Variants in P3H3 observed in about 807,000 individuals in gnomAD.
The protein encoded by P3H3 is prolyl 3-hydroxylase 3, also known as gene rich cluster, B.
P3H3 carries 64 observed loss-of-function variants against 78.1 expected under a neutral mutation model. The observed-to-expected ratio is 0.82, with a 90% confidence interval of 0.67 to 1.01. P3H3 has a LOEUF of 1.01. Ranked by LOEUF, P3H3 falls within the 50% of genes least tolerant of loss-of-function variation. The probability of loss-of-function intolerance (pLI) is 0.00; values close to 1 mark genes in which losing one functional copy is unlikely to be tolerated. For missense variants in P3H3, 975 were observed against 982.2 expected (o/e 0.99, Z 0.10); for synonymous variants, 425 against 416.7 (o/e 1.02, Z -0.24).
rs1192073783 is a variant in P3H3 at position 6,833,645 on chromosome 12, G to A, written c.1265+1G>A. On this transcript the variant is annotated splice_donor_variant, in intron 7 of 14. Transcript: ENST00000290510. LOFTEE classifies it high-confidence loss of function. Reference sequence around the variant, plus strand: ...CTGAGGCACTTAGAGAAAAGCTCAGGTAGGATATGCCCCATGGTGGGAGGG... The same window carrying A: ...CTGAGGCACTTAGAGAAAAGCTCAGATAGGATATGCCCCATGGTGGGAGGG... 6 of 1,613,686 alleles carry A rather than the reference G, an allele frequency of 3.7e-6. No individual in the cohort carries two copies. The highest frequency in any genetic ancestry group is 5.1e-6 in the Non-Finnish European group (6 of 1,179,780).
rs782678799 is a variant in P3H3, at chr12:6,837,706, T to A, written c.1712-26T>A. On this transcript the variant is annotated intron_variant, in intron 11 of 14. Coordinates refer to ENST00000290510, the MANE Select transcript of P3H3 (RefSeq NM_014262.5). ...GCAGATGGGCACAGGGGCACAGAGGTACCCCCAGACCCCTTTGTGTCCTAG... is the reference window on the plus strand; with the variant it reads ...GCAGATGGGCACAGGGGCACAGAGGAACCCCCAGACCCCTTTGTGTCCTAG... The A allele has an allele frequency of 3.1e-6, 5 of 1,597,760 alleles. No homozygotes were observed. In the South Asian group the frequency reaches 4.5e-5, roughly 14 times the overall value.
chr12:6,832,377 T>C (rs2137961294), intron 6 of P3H3, among the ~76,000 whole-genome samples: 1 of 152,174 alleles, frequency 6.6e-6, no homozygotes, highest in South Asian at 2.1e-4. Flanking sequence ...GATCTGACAT[T>C]TTGGATAATT....
chr12:6,838,881 A>C, intron 13 of P3H3, 119 bp from the exon 14 acceptor site: 1 of 770,904 alleles, frequency 1.3e-6, no homozygotes, highest in South Asian at 2.9e-5. Flanking sequence ...AGGAGTAGGA[A>C]GTGGTAGCGA....
rs3213431 is a variant in P3H3 at position 6,839,364 on chromosome 12, T to C, written c.2114T>C (p.Met705Thr). ...QEEEEEEEEE[M>T]PSKDPSPEPP... is the part of the protein sequence containing the mutation. ...GAGGAGGAAGAGGAAGAGGAAGAAA[T>C]GCCCAGCAAAGACCCTTCCCCAGAG... is the stretch of plus-strand genomic sequence containing the variant. Residue 705 changes from methionine to threonine, a missense_variant, in exon 15 of 15, where the codon ATG becomes ACG. Transcript: ENST00000290510. 4.0e-3 allele frequency: 6,187 copies of C among 1,553,340 alleles called. 333 individuals are homozygous for C. In the East Asian group the frequency reaches 0.12, roughly 31 times the overall value.
intron 9 of P3H3, 53 bp from the exon 10 acceptor site, chr12:6,836,932 C>A (rs1591582103): frequency 5.1e-6 from 7 of 1,375,128 alleles, no homozygotes; most frequent in South Asian, 3.6e-5. Flanking sequence ...TGCAGCCCTG[C>A]AGACAGTGAG....
chr12:6,836,433 G>A (rs1298493232), intron 9 of P3H3, among the ~76,000 whole-genome samples: 3 of 152,138 alleles, frequency 2.0e-5, no homozygotes, highest in Admixed American at 6.5e-5. Flanking sequence ...GAGTGGTCGC[G>A]GAGGTGGCTG....
Position 6,831,429 on chromosome 12 carries a change from AC to A in P3H3, c.1122+83del. The stretch of plus-strand genomic sequence containing the variant: ...GACCTGAGAAGTAACCTGGACCCCC[AC>A]CCCCCGCTGGCCTCTTACCCGAGCA... On this transcript the variant is annotated intron_variant, in intron 5 of 14. Coordinates refer to ENST00000290510, the MANE Select transcript of P3H3 (RefSeq NM_014262.5). The surrounding 1 kb of genome is among the most constrained non-coding windows in gnomAD (Gnocchi z 4.6). 4 of 1,563,868 alleles carry A rather than the reference AC, an allele frequency of 2.6e-6. No homozygotes were observed. The highest frequency in any genetic ancestry group is 8.6e-7 in the Non-Finnish European group (1 of 1,157,596).
rs1555121121 is a variant in P3H3, at chr12:6,830,353, G to A, written c.652G>A (p.Ala218Thr). ...GACTGACTGCTCCCTTCCCCAACAG[G>A]CAGCCTATGACACTGGCCTGGAGCT... ...FRDLETPPHW[A>T]AYDTGLELLG... Residue 218 changes from alanine to threonine, a missense_variant and splice_region_variant, in exon 3 of 15, where the codon GCA (alanine) becomes ACA (threonine). Ala to Thr is a moderately conservative substitution (Grantham distance 58). Transcript: ENST00000290510. The A allele has an allele frequency of 3.8e-6, 6 of 1,575,706 alleles. No homozygotes were observed. The Admixed American group carries it at 9.2e-5, about 24-fold the overall frequency.
chr12:6,830,072 C>G, intron 2 of P3H3, 61 bp downstream of exon 2: 1 of 1,592,042 alleles, frequency 6.3e-7, no homozygotes, highest in Non-Finnish European at 8.6e-7. Flanking sequence ...GATACACAGG[C>G]CTCACTAAAC....
chr12:6,829,894 C>A lies in P3H3; in HGVS notation c.534C>A (p.His178Gln), dbSNP rs782654182. 1 of 1,614,044 alleles carries A rather than the reference C, an allele frequency of 6.2e-7. No homozygotes were observed. The highest frequency in any genetic ancestry group is 1.7e-5 in the Admixed American group (1 of 60,032). ...KKLDLAAAAA[H>Q]TFFVANPMHL... Reference sequence around the variant, plus strand: ...TGGATCTGGCAGCTGCGGCAGCACACACCTTCTTTGTAGCAAACCCCATGC... The same window carrying A: ...TGGATCTGGCAGCTGCGGCAGCACAAACCTTCTTTGTAGCAAACCCCATGC... Residue 178 changes from histidine (H) to glutamine (Q), a missense_variant, in exon 2 of 15, where the codon CAC becomes CAA. Coordinates refer to ENST00000290510, the MANE Select transcript of P3H3 (RefSeq NM_014262.5). This position sits in a 1 kb window ranked among gnomAD's most constrained non-coding sequence, Gnocchi z 5.1.
chr12:6,839,240 G>T, intron 14 of P3H3, 57 bp from the exon 15 acceptor site: 1 of 1,564,732 alleles, frequency 6.4e-7, no homozygotes, highest in Non-Finnish European at 8.7e-7. Context: ...CAGGGGCTGA[G>T]CTGACCCAGG....
rs1555121747 is a variant in P3H3, at chr12:6,833,780, T to C, written c.1304T>C (p.Val435Ala). The change falls in exon 8 of 15, where the codon GTG (valine) becomes GCG (alanine). Residue 435 changes from valine (V) to alanine (A), a missense_variant. Coordinates refer to ENST00000290510, the MANE Select transcript of P3H3 (RefSeq NM_014262.5). ...AAGAGGCCTTGGGACCATGAGCCCG[T>C]GAAGCCAAAGCCCTTGACCTACTGG... The part of the protein sequence containing the change: ...QEKRPWDHEP[V>A]KPKPLTYWKD... 1.2e-6 allele frequency: 2 copies of C among 1,612,256 alleles called. No homozygotes were observed. Among genetic ancestry groups the C allele is most frequent in the Non-Finnish European group, 1.7e-6 (2 of 1,178,414 alleles).
Position 6,833,725 on chromosome 12 carries a change from C to T in P3H3, c.1266-17C>T. 2 of 1,603,898 alleles carry T rather than the reference C, an allele frequency of 1.2e-6. No individual in the cohort carries two copies. Among genetic ancestry groups the T allele is most frequent in the Non-Finnish European group, 1.7e-6 (2 of 1,170,794 alleles). On this transcript the variant is annotated splice_polypyrimidine_tract_variant and intron_variant, in intron 7 of 14. Coordinates refer to ENST00000290510, the MANE Select transcript of P3H3 (RefSeq NM_014262.5). ...GACTGTCCTGGGCACCCACTGAGCG[C>T]ATCTCTCACCCCTGAGAGAGGATCA...
intron 2 of P3H3, 24 bp downstream of exon 2, chr12:6,830,035 G>A: frequency 1.2e-6 from 2 of 1,612,366 alleles, no homozygotes; most frequent in African/African-American, 1.3e-5. Context: ...CACCACCCCT[G>A]TCTTGCCACC....
chr12:6,833,643 A>T lies in P3H3; in HGVS notation c.1264A>T (p.Arg422Ter). Residue 422 changes from arginine to a stop codon, truncating the protein, a stop_gained and splice_region_variant, in exon 7 of 15, where the codon AGA becomes TGA. Coordinates refer to ENST00000290510, the MANE Select transcript of P3H3 (RefSeq NM_014262.5). LOFTEE classifies it high-confidence loss of function. ...CCCTGAGGCACTTAGAGAAAAGCTC[A>T]GGTAGGATATGCCCCATGGTGGGAG... ...LIPEALREKL[R>*]EDQEKRPWDH... 1 of 1,613,784 alleles carries T rather than the reference A, an allele frequency of 6.2e-7. No individual in the cohort carries two copies. The highest frequency in any genetic ancestry group is 2.2e-5 in the East Asian group (1 of 44,882).
chr12:6,831,338 C>G lies in P3H3; in HGVS notation c.1108C>G (p.Leu370Val), dbSNP rs1555121400. The change falls in exon 5 of 15, where the codon CTC (leucine) becomes GTC (valine). Residue 370 changes from leucine (L) to valine (V), a missense_variant. By Grantham distance (32) the Leu-to-Val change is conservative (BLOSUM62 1). Coordinates refer to ENST00000290510, the MANE Select transcript of P3H3 (RefSeq NM_014262.5). The surrounding 1 kb of genome is among the most constrained non-coding windows in gnomAD (Gnocchi z 4.6). ...QAQLGEPRPG[L>V]GPREDIQRFI... ...CCAGCTGGGAGAGCCGAGACCTGGC[C>G]TCGGACCCAGAGAGGTAATCCCCTC... 1.2e-6 allele frequency: 2 copies of G among 1,613,842 alleles called. No individual in the cohort carries two copies. The highest frequency in any genetic ancestry group is 1.7e-6 in the Non-Finnish European group (2 of 1,179,834).
Position 6,830,238 on chromosome 12 carries a change from G to A in P3H3, c.652-115G>A, listed in dbSNP as rs782384675. The A allele has an allele frequency of 8.0e-5, 88 of 1,102,202 alleles. No homozygotes were observed. In the African/African-American group the frequency reaches 1.0e-3, roughly 13 times the overall value. 68.3% of individuals were successfully genotyped at this position (1,102,202 alleles called of 1,614,324 possible). A position where few individuals can be genotyped will look rare whatever the true frequency, so the allele number is the denominator to read the frequency against. Reference sequence around the variant, plus strand: ...GAGGCCCACCCTTATTCTTCTCCACGGTGAAGAGGGACATGGAGTCCTTGC... The same window carrying A: ...GAGGCCCACCCTTATTCTTCTCCACAGTGAAGAGGGACATGGAGTCCTTGC... On this transcript the variant is annotated intron_variant, in intron 2 of 14. Transcript: ENST00000290510.
Position 6,831,430 on chromosome 12 carries a change from C to A in P3H3, c.1122+78C>A. 2 of 1,570,102 alleles carry A rather than the reference C, an allele frequency of 1.3e-6. No homozygotes were observed. The highest frequency in any genetic ancestry group is 8.6e-7 in the Non-Finnish European group (1 of 1,159,478). Reference sequence around the variant, plus strand: ...ACCTGAGAAGTAACCTGGACCCCCACCCCCCGCTGGCCTCTTACCCGAGCA... The same window carrying A: ...ACCTGAGAAGTAACCTGGACCCCCAACCCCCGCTGGCCTCTTACCCGAGCA... On this transcript the variant is annotated intron_variant, in intron 5 of 14. Coordinates refer to ENST00000290510, the MANE Select transcript of P3H3 (RefSeq NM_014262.5). The surrounding 1 kb of genome is among the most constrained non-coding windows in gnomAD (Gnocchi z 4.6).
At position 6,828,475 on chromosome 12, in the gene P3H3, T is replaced by C. The variant is rs1343316308; in HGVS notation, c.35T>C (p.Leu12Pro). 2.4e-6 allele frequency: 3 copies of C among 1,263,000 alleles called. No homozygotes were observed. The highest frequency in any genetic ancestry group is 3.2e-6 in the Non-Finnish European group (3 of 940,496). The allele number at this position is 1,263,000 out of a possible 1,614,324, so 78.2% of individuals were successfully genotyped here. A position where few individuals can be genotyped will look rare whatever the true frequency, so the allele number is the denominator to read the frequency against. Residue 12 changes from leucine (L) to proline (P), a missense_variant, in exon 1 of 15, where the codon CTG (leucine) becomes CCG (proline). Coordinates refer to ENST00000290510, the MANE Select transcript of P3H3 (RefSeq NM_014262.5). ...LRLLRPLLLLLLLPPPGSPEP... is the reference protein window; with the variant it reads ...LRLLRPLLLLPLLPPPGSPEP... Reference sequence around the variant, plus strand: ...CTCCTCCGGCCGCTGCTGCTACTGCTGCTGCTGCCTCCCCCGGGGTCCCCT... The same window carrying C: ...CTCCTCCGGCCGCTGCTGCTACTGCCGCTGCTGCCTCCCCCGGGGTCCCCT...
Sources: allele counts gnomAD v4.1 joint callset (sites outside exome capture counted in the v4.1 genomes callset), GRCh38; gene constraint gnomAD v4.1.1; non-coding constraint Gnocchi (gnomAD v3.1); transcripts MANE v1.5; gene names NCBI Gene and HGNC (gene_info 2026-07-23, HGNC 2026-07-21).